RGCC: variants seen among roughly 807,000 people sequenced by gnomAD.
RGCC encodes the protein regulator of cell cycle.
RGCC carries 15 observed loss-of-function variants against 15.4 expected under a neutral mutation model. The observed-to-expected ratio is 0.97, with a 90% CI of 0.65 to 1.50. The LOEUF is 1.50. Among genes scored for constraint, RGCC ranks in the 40% most tolerant of loss-of-function variants. RGCC has a pLI of 0.00. For missense variants in RGCC, 176 were observed against 189.7 expected, an observed-to-expected ratio of 0.93 and a Z score of 0.42; for synonymous variants, 81 against 78.0, an observed-to-expected ratio of 1.04 and a Z score of -0.20.
chr13:41,469,432 A>G (rs1056361169), intron 4 of RGCC, among the ~76,000 whole-genome samples: 3 of 152,132 alleles, frequency 2.0e-5, no homozygotes, highest in Non-Finnish European at 4.4e-5. Context: ...CTAGCAAACA[A>G]TGGCATTTTG....
rs751736767 is a variant in RGCC, at chr13:41,468,756, C to G, written c.344-20C>G. ...AACTGAACTCTCTCTCTCTCTCTCT[C>G]TCCCTCTCCTGTTTCACAGCTAAAT... On this transcript the variant is annotated intron_variant, in intron 3 of 4. Transcript: ENST00000379359. 12 of 1,575,146 alleles carry G rather than the reference C, an allele frequency of 7.6e-6. No homozygotes were observed. Among genetic ancestry groups the G allele is most frequent in the Admixed American group, 6.7e-5 (4 of 59,478 alleles).
chr13:41,470,056 G>A (rs566642112), intron 4 of RGCC, among the ~76,000 whole-genome samples: 3 of 152,240 alleles, frequency 2.0e-5, no homozygotes, highest in Admixed American at 6.5e-5. Context: ...CTAAAGAGCC[G>A]GGTAAACTCT....
chr13:41,470,036 C>T (rs1210160221), intron 4 of RGCC, among the ~76,000 whole-genome samples: 1 of 152,144 alleles, frequency 6.6e-6, no homozygotes, highest in East Asian at 1.9e-4. Context: ...GTATTTAATG[C>T]TATTCTTTGC....
intron 4 of RGCC, 128 bp from the exon 5 acceptor site, chr13:41,470,350 A>G (rs1255060238): frequency 5.5e-6 from 5 of 908,124 alleles, no homozygotes; most frequent in South Asian, 1.4e-5. Flanking sequence ...AGTTAATCAG[A>G]CACTCATCGT....
At chr13:41,468,634 A>G (rs2043859372) in intron 3 of RGCC, 142 bp from the exon 4 acceptor site, 1 of 677,810 alleles carries the variant, frequency 1.5e-6, no homozygotes. Flanking sequence ...GAAGATAAGG[A>G]GGTAGATGTA....
At chr13:41,465,433 G>A (rs182151363) in intron 2 of RGCC, among the ~76,000 whole-genome samples, 2 of 152,232 alleles carry the variant, frequency 1.3e-5, no homozygotes, top group South Asian at 2.1e-4. Flanking sequence ...CCAACCGTGC[G>A]TTGGTTTCCT....
At position 41,458,937 on chromosome 13, in the gene RGCC, T is replaced by C. The variant is rs985270013; in HGVS notation, c.235+467T>C. Among the ~76,000 whole-genome samples, 2 of 152,204 alleles carry C rather than the reference T, an allele frequency of 1.3e-5. No homozygotes were observed. The highest frequency in any genetic ancestry group is 4.8e-5 in the African/African-American group (2 of 41,462). ...CCCAAACTGCTGTTCTTGGGATTTA[T>C]GAAATAACTGCTTGCATTGTCTTCT... is the stretch of plus-strand genomic sequence containing the variant. On this transcript the variant is annotated intron_variant, in intron 2 of 4. Transcript: ENST00000379359. The surrounding 1 kb of genome is among the most constrained non-coding windows in gnomAD (Gnocchi z 4.4).
At chr13:41,459,357 C>T (rs561245377) in intron 2 of RGCC, among the ~76,000 whole-genome samples, 1 of 152,328 alleles carries the variant, frequency 6.6e-6, no homozygotes, top group African/African-American at 2.4e-5. Context: ...CTGTGTTATT[C>T]TTCAGCCTTT....
At chr13:41,462,150 A>C (rs1233728988) in intron 2 of RGCC, among the ~76,000 whole-genome samples, 1 of 152,082 alleles carries the variant, frequency 6.6e-6, no homozygotes, top group Non-Finnish European at 1.5e-5. Flanking sequence ...TTCTTGGTTA[A>C]TTACTATAGT....
At chr13:41,465,885 T>C (rs1014625854) in intron 2 of RGCC, among the ~76,000 whole-genome samples, 4 of 152,048 alleles carry the variant, frequency 2.6e-5, no homozygotes, top group Non-Finnish European at 4.4e-5. Context: ...GGATACTGGA[T>C]GTTTGTATTT....
chr13:41,458,540 G>C lies in RGCC; in HGVS notation c.235+70G>C. The C allele has an allele frequency of 6.8e-7, 1 of 1,462,168 alleles. No individual in the cohort carries two copies. The highest frequency in any genetic ancestry group is 9.1e-7 in the Non-Finnish European group (1 of 1,093,468). The allele number at this position is 1,462,168 out of a possible 1,614,324, so 90.6% of individuals were successfully genotyped here. A position where few individuals can be genotyped will look rare whatever the true frequency, so the allele number is the denominator to read the frequency against. Reference sequence around the variant, plus strand: ...CCAGGACCTGCCCCGCGAAGGCTGCGGCCTCAGTTTTCTTATCAGTAAACT... The same window carrying C: ...CCAGGACCTGCCCCGCGAAGGCTGCCGCCTCAGTTTTCTTATCAGTAAACT... On this transcript the variant is annotated intron_variant, in intron 2 of 4. Coordinates refer to ENST00000379359, the MANE Select transcript of RGCC (RefSeq NM_014059.3). This position sits in a 1 kb window ranked among gnomAD's most constrained non-coding sequence, Gnocchi z 4.4.
chr13:41,469,295 TAAG>T (rs370476569), intron 4 of RGCC, among the ~76,000 whole-genome samples: 12,697 of 86,058 alleles, frequency 0.15, 632 homozygotes, highest in Middle Eastern at 0.25. Context: ...ATAATAATAA[TAAG>T]AAGAAGAAGA....
chr13:41,463,272 G>A (rs1008766071), intron 2 of RGCC, among the ~76,000 whole-genome samples: 2 of 151,958 alleles, frequency 1.3e-5, no homozygotes, highest in Non-Finnish European at 2.9e-5. Flanking sequence ...TGCCATACAC[G>A]ATGTGTAGAT....
Position 41,458,245 on chromosome 13 carries a change from C to T in RGCC, c.50-40C>T, listed in dbSNP as rs564825823. 40 of 1,502,778 alleles carry T rather than the reference C, an allele frequency of 2.7e-5. 2 individuals are homozygous for T. The South Asian group carries it at 3.2e-4, about 12-fold the overall frequency. The allele number at this position is 1,502,778 out of a possible 1,614,324, so 93.1% of individuals were successfully genotyped here. On this transcript the variant is annotated intron_variant, in intron 1 of 4. Transcript: ENST00000379359. This position sits in a 1 kb window ranked among gnomAD's most constrained non-coding sequence, Gnocchi z 4.4. Reference sequence around the variant, plus strand: ...GCCCTGGGAGGTGGTCCCGCTGCCCCCCTGACTTCCGTGCACTGAGCCCCT... The same window carrying T: ...GCCCTGGGAGGTGGTCCCGCTGCCCTCCTGACTTCCGTGCACTGAGCCCCT...
Position 41,458,409 on chromosome 13 carries a change from G to A in RGCC, c.174G>A (p.Glu58=), listed in dbSNP as rs1336231864. ...ACTTCCACTACGAGGAGCACCTGGA[G>A]CGCATGAAGCGGCGCAGCAGCGCCA... ...ERHFHYEEHL[E]RMKRRSSASV... is the part of the protein sequence containing the mutation. The change falls in exon 2 of 5, where the codon GAG becomes GAA. Residue 58 remains glutamate (E), a synonymous_variant. Transcript: ENST00000379359. This position sits in a 1 kb window ranked among gnomAD's most constrained non-coding sequence, Gnocchi z 4.4. 1.9e-6 allele frequency: 3 copies of A among 1,600,980 alleles called. No individual in the cohort carries two copies. Among genetic ancestry groups the A allele is most frequent in the Non-Finnish European group, 2.5e-6 (3 of 1,178,764 alleles).
chr13:41,469,546 A>G (rs1310843481), intron 4 of RGCC, among the ~76,000 whole-genome samples: 1 of 152,168 alleles, frequency 6.6e-6, no homozygotes, highest in Non-Finnish European at 1.5e-5. Context: ...GCATTATTCC[A>G]ACAAGCCAAA....
intron 2 of RGCC, among the ~76,000 whole-genome samples, chr13:41,463,906 G>C (rs2043834636): frequency 6.6e-6 from 1 of 152,134 alleles, no homozygotes; most frequent in African/African-American, 2.4e-5. Context: ...ATAGCGTTTG[G>C]CCTCCTTGCC....
At chr13:41,464,961 T>G (rs1593577821) in intron 2 of RGCC, among the ~76,000 whole-genome samples, 1 of 147,694 alleles carries the variant, frequency 6.8e-6, no homozygotes, top group African/African-American at 2.5e-5. Flanking sequence ...CAGGAGAGGG[T>G]GGGGGGAAAG....
At chr13:41,465,508 A>G (rs1176430269) in intron 2 of RGCC, among the ~76,000 whole-genome samples, 2 of 151,628 alleles carry the variant, frequency 1.3e-5, no homozygotes, top group African/African-American at 2.4e-5. Flanking sequence ...AGGATTATTT[A>G]GTCCGCCTTC....
Sources: allele counts gnomAD v4.1 joint callset (sites outside exome capture counted in the v4.1 genomes callset), GRCh38; gene constraint gnomAD v4.1.1; non-coding constraint Gnocchi (gnomAD v3.1); transcripts MANE v1.5; gene names NCBI Gene and HGNC (gene_info 2026-07-23, HGNC 2026-07-21).